Variants in SETD2 observed in about 807,000 individuals in gnomAD.
SETD2 encodes the protein histone-lysine N-methyltransferase SETD2.
In SETD2, 31 loss-of-function variants were observed where a neutral mutation model predicts 242.1. The observed-to-expected ratio is 0.13, with a 90% confidence interval of 0.10 to 0.17. The LOEUF (loss-of-function observed/expected upper bound fraction) is 0.17. SETD2 is among the 10% of genes least tolerant of loss of function. The probability of loss-of-function intolerance (pLI) is 1.00; values close to 1 mark genes in which losing one functional copy is unlikely to be tolerated. For missense variants in SETD2, 2,481 were observed against 3,046.3 expected (o/e 0.81, Z 4.37); for synonymous variants, 1,006 against 1,066.5 (o/e 0.94, Z 1.11).
intron 1 of SETD2, among the ~76,000 whole-genome samples, chr3:47,149,470 A>G (rs2043934434): frequency 6.6e-6 from 1 of 152,154 alleles, no homozygotes; most frequent in Non-Finnish European, 1.5e-5. Context: ...GACACCTCTT[A>G]TAGCACTCAG....
Position 47,163,896 on chromosome 3 carries a change from G to C in SETD2, c.29C>G (p.Pro10Arg). The change falls in exon 1 of 21, where the codon CCG (proline) becomes CGG (arginine). Residue 10 changes from proline to arginine, a missense_variant. Coordinates refer to ENST00000409792, the MANE Select transcript of SETD2 (RefSeq NM_014159.7). MKQLQPQPP[P>R]KMGDFYDPEH... ...CGGGTCGTAGAAATCCCCCATCTTC[G>C]GAGGCGGCTGCGGCTGCAGCTGCTT... The C allele has an allele frequency of 7.6e-7, 1 of 1,317,598 alleles. No individual in the cohort carries two copies. Among genetic ancestry groups the C allele is most frequent in the Non-Finnish European group, 9.7e-7 (1 of 1,027,874 alleles). The allele number at this position is 1,317,598 out of a possible 1,614,324, so 81.6% of individuals were successfully genotyped here.
At position 47,121,899 on chromosome 3, in the gene SETD2, T is replaced by C. The variant is rs2106663662; in HGVS notation, c.2737A>G (p.Lys913Glu). 6.2e-7 allele frequency: 1 copy of C among 1,614,026 alleles called. No individual in the cohort carries two copies. Among genetic ancestry groups the C allele is most frequent in the South Asian group, 1.1e-5 (1 of 91,082 alleles). Residue 913 changes from lysine (K) to glutamate (E), a missense_variant, in exon 3 of 21, where the codon AAG (lysine) becomes GAG (glutamate). Lys to Glu is a moderately conservative substitution (Grantham distance 56, BLOSUM62 1). Transcript: ENST00000409792. ...NTSPVLDAVL[K>E]SKKSSEFLKH... ...AAAAACTCTGAACTTTTTTTACTCTTTAGCACTGCATCCAGAACTGGAGAT... is the reference window on the plus strand; with the variant it reads ...AAAAACTCTGAACTTTTTTTACTCTCTAGCACTGCATCCAGAACTGGAGAT...
intron 18 of SETD2, among the ~76,000 whole-genome samples, chr3:47,036,215 TAGTC>T (rs1474179990): frequency 6.6e-6 from 1 of 152,152 alleles, no homozygotes; most frequent in African/African-American, 2.4e-5. Flanking sequence ...AAAAAAATAT[TAGTC>T]AGGTTTTAGA....
At chr3:47,030,190 A>C (rs1301994852) in intron 18 of SETD2, among the ~76,000 whole-genome samples, 1 of 152,120 alleles carries the variant, frequency 6.6e-6, no homozygotes, top group Non-Finnish European at 1.5e-5. Flanking sequence ...AATACAATGA[A>C]GTGAAAGGTA....
At chr3:47,101,687 G>C in intron 7 of SETD2, 132 bp from the exon 8 acceptor site, 1 of 516,556 alleles carries the variant, frequency 1.9e-6, no homozygotes, top group Non-Finnish European at 3.5e-6. Flanking sequence ...TGGGTCTTTA[G>C]GCAATGAAGG....
intron 18 of SETD2, among the ~76,000 whole-genome samples, chr3:47,031,706 G>T (rs573017485): frequency 7.9e-5 from 12 of 152,238 alleles, no homozygotes; most frequent in Non-Finnish European, 1.8e-4. Flanking sequence ...TTTTTCAAAT[G>T]TGTAGGTACA....
Position 47,016,645 on chromosome 3 carries a change from A to G in SETD2, c.*448T>C, listed in dbSNP as rs555358239. On this transcript the variant is annotated 3_prime_UTR_variant, in exon 21 of 21. Transcript: ENST00000409792. Reference sequence around the variant, plus strand: ...TACAAAGTCTTCCTGTGATCCTAGCATGTAGAGGCTAAAAGCAAAACGAAA... The same window carrying G: ...TACAAAGTCTTCCTGTGATCCTAGCGTGTAGAGGCTAAAAGCAAAACGAAA... 4.2e-6 allele frequency: 1 copy of G among 235,986 alleles called. No individual in the cohort carries two copies. Among genetic ancestry groups the G allele is most frequent in the African/African-American group, 2.2e-5 (1 of 45,540 alleles). 14.6% of individuals were successfully genotyped at this position (235,986 alleles called of 1,614,324 possible). A position where few individuals can be genotyped will look rare whatever the true frequency, so the allele number is the denominator to read the frequency against.
At chr3:47,120,136 CA>C in intron 3 of SETD2, 45 bp downstream of exon 3, 3 of 1,409,160 alleles carry the variant, frequency 2.1e-6, no homozygotes, top group Non-Finnish European at 2.9e-6. Context: ...TTTCTAACAA[CA>C]AAAAAAGAGT....
intron 18 of SETD2, among the ~76,000 whole-genome samples, chr3:47,022,308 T>A (rs1418027731): frequency 7.3e-5 from 11 of 151,148 alleles, no homozygotes. Flanking sequence ...GGAGATTGTT[T>A]GAGCCCAGGA....
chr3:47,017,350 GGGCCCTTCT>G lies in SETD2; in HGVS notation c.7534-105_7534-97del. On this transcript the variant is annotated intron_variant, in intron 20 of 20. Coordinates refer to ENST00000409792, the MANE Select transcript of SETD2 (RefSeq NM_014159.7). This position sits in a 1 kb window ranked among gnomAD's most constrained non-coding sequence, Gnocchi z 4.8. ...GGTGGTAATCCAGCCTGCTGCTTCA[GGGCCCTTCT>G]CACCAAGACAGGAAGTTAATAAGGG... 7.4e-7 allele frequency: 1 copy of G among 1,353,890 alleles called. No homozygotes were observed. The highest frequency in any genetic ancestry group is 1.0e-6 in the Non-Finnish European group (1 of 977,566). The allele number at this position is 1,353,890 out of a possible 1,614,324, so 83.9% of individuals were successfully genotyped here.
chr3:47,115,475 C>A (rs1284274922), intron 4 of SETD2, among the ~76,000 whole-genome samples: 1 of 151,856 alleles, frequency 6.6e-6, no homozygotes, highest in African/African-American at 2.4e-5. Flanking sequence ...AAAAGAATAC[C>A]AAAAATCCTT....
chr3:47,115,700 T>A (rs942167681), intron 4 of SETD2, among the ~76,000 whole-genome samples: 1 of 151,934 alleles, frequency 6.6e-6, no homozygotes, highest in Non-Finnish European at 1.5e-5. Context: ...CAGGCTGGAG[T>A]ATAGTGGAAT....
At position 47,050,143 on chromosome 3, in the gene SETD2, T is replaced by C. The variant is rs1010129297; in HGVS notation, c.6964-3522A>G. On this transcript the variant is annotated intron_variant, in intron 15 of 20. Transcript: ENST00000409792. ...TTTCAAAATAGCTAGAAGAGAATAATTGAATGTTTCTAGCATAAAGAAAAG... is the reference window on the plus strand; with the variant it reads ...TTTCAAAATAGCTAGAAGAGAATAACTGAATGTTTCTAGCATAAAGAAAAG... Among the ~76,000 whole-genome samples the C allele has an allele frequency of 2.6e-5, 4 of 151,520 alleles. No individual in the cohort carries two copies. In the South Asian group the frequency reaches 6.2e-4, roughly 24 times the overall value.
chr3:47,091,546 TA>T (rs2041805572), intron 9 of SETD2, among the ~76,000 whole-genome samples: 1 of 152,116 alleles, frequency 6.6e-6, no homozygotes, highest in African/African-American at 2.4e-5. Flanking sequence ...GTGGATCACC[TA>T]AGGTCAGGAG....
At chr3:47,056,507 CAAT>C (rs764957385) in intron 15 of SETD2, among the ~76,000 whole-genome samples, 134 of 152,186 alleles carry the variant, frequency 8.8e-4, no homozygotes, top group Middle Eastern at 3.4e-3. Flanking sequence ...CTGCTAACAA[CAAT>C]GTGAGTAGGT....
chr3:47,105,629 T>C (rs1355333431), intron 6 of SETD2: 3 of 435,990 alleles, frequency 6.9e-6, no homozygotes, highest in Non-Finnish European at 9.1e-6. Context: ...GCTTAATATA[T>C]TTTAGAAATC....
rs1248081279 is a variant in SETD2 at position 47,017,186 on chromosome 3, C to G, written c.7602G>C (p.Glu2534Asp). The change falls in exon 21 of 21, where the codon GAG becomes GAC. Residue 2534 changes from glutamate (E) to aspartate (D), a missense_variant. Glu to Asp is a conservative substitution (Grantham distance 45, BLOSUM62 2). This residue lies in a region of SETD2 where 29 missense variants were observed against 46.7 expected (regional missense o/e 0.62). Coordinates refer to ENST00000409792, the MANE Select transcript of SETD2 (RefSeq NM_014159.7). This position sits in a 1 kb window ranked among gnomAD's most constrained non-coding sequence, Gnocchi z 4.8. ...CKNPEDLECN[E>D]NVKHKTKEYI... Reference sequence around the variant, plus strand: ...ACTCCTTGGTTTTGTGTTTCACATTCTCATTGCACTCCAGGTCCTCAGGAT... The same window carrying G: ...ACTCCTTGGTTTTGTGTTTCACATTGTCATTGCACTCCAGGTCCTCAGGAT... 6.2e-7 allele frequency: 1 copy of G among 1,614,028 alleles called. No homozygotes were observed. Among genetic ancestry groups the G allele is most frequent in the Non-Finnish European group, 8.5e-7 (1 of 1,180,024 alleles).
At chr3:47,128,432 T>C (rs1216255455) in intron 1 of SETD2, among the ~76,000 whole-genome samples, 2 of 152,198 alleles carry the variant, frequency 1.3e-5, no homozygotes, top group African/African-American at 4.8e-5. Flanking sequence ...TAGTCACTCA[T>C]TGGACTATGT....
chr3:47,150,533 G>A (rs890283001), intron 1 of SETD2, among the ~76,000 whole-genome samples: 1 of 152,030 alleles, frequency 6.6e-6, no homozygotes, highest in Non-Finnish European at 1.5e-5. Context: ...AAATACACAA[G>A]TACAAAACAA....
Sources: allele counts gnomAD v4.1 joint callset (sites outside exome capture counted in the v4.1 genomes callset), GRCh38; gene constraint gnomAD v4.1.1; regional missense constraint gnomAD v4.1.1; non-coding constraint Gnocchi (gnomAD v3.1); transcripts MANE v1.5; gene names NCBI Gene and HGNC (gene_info 2026-07-23, HGNC 2026-07-21).